Variants in SCNN1B observed in about 807,000 individuals in gnomAD.
SCNN1B encodes the protein epithelial sodium channel subunit beta.
A neutral mutation model predicts 65.3 loss-of-function variants in SCNN1B; 46 were observed. The ratio of observed to expected loss-of-function variants is 0.70; its 90% CI spans 0.56 to 0.90. SCNN1B has a LOEUF of 0.90. Ranked by LOEUF, SCNN1B falls within the 40% of genes least tolerant of loss-of-function variation. The pLI is 0.00. For synonymous variants in SCNN1B, 349 were observed against 330.6 expected (o/e 1.06, Z -0.60); for missense variants, 751 against 830.5 (o/e 0.90, Z 1.18).
intron 2 of SCNN1B, among the ~76,000 whole-genome samples, chr16:23,287,428 A>G (rs72774342): frequency 0.085 from 12,981 of 152,174 alleles, 732 homozygotes; most frequent in East Asian, 0.28. Context: ...TGCTAATATG[A>G]GGAATTACAT....
chr16:23,341,730 T>C lies in SCNN1B; in HGVS notation c.-8-6862T>C, dbSNP rs143113079. On this transcript the variant is annotated intron_variant, in intron 1 of 12. Coordinates refer to ENST00000343070, the MANE Select transcript of SCNN1B (RefSeq NM_000336.3). ...AATATATAAGCCTATGAGAAGAAGT[T>C]CAACATCATAGCTATCAGGAAAACG... is the stretch of plus-strand genomic sequence containing the variant. Among the ~76,000 whole-genome samples the C allele has an allele frequency of 8.8e-4, 134 of 152,298 alleles. No individual in the cohort carries two copies. The East Asian group carries it at 9.0e-3, about 10-fold the overall frequency.
At chr16:23,369,667 G>C (rs976808152) in intron 5 of SCNN1B, among the ~76,000 whole-genome samples, 1 of 151,962 alleles carries the variant, frequency 6.6e-6, no homozygotes, top group African/African-American at 2.4e-5. Flanking sequence ...TGGCCAAGAG[G>C]GCAGGTGAGC....
chr16:23,370,044 C>T (rs937143273), intron 5 of SCNN1B, among the ~76,000 whole-genome samples: 1 of 152,192 alleles, frequency 6.6e-6, no homozygotes, highest in Admixed American at 6.5e-5. Context: ...GATTCTCCTG[C>T]CTCAGCTTCC....
chr16:23,300,998 G>A (rs916020721), upstream of SCNN1B, among the ~76,000 whole-genome samples: 3 of 147,052 alleles, frequency 2.0e-5, no homozygotes, highest in African/African-American at 7.5e-5. Flanking sequence ...AAACACGTGT[G>A]TGTGTGTGTG....
Position 23,380,073 on chromosome 16 carries a change from C to A in SCNN1B, c.1467-21C>A. 1 of 1,601,644 alleles carries A rather than the reference C, an allele frequency of 6.2e-7. No individual in the cohort carries two copies. Among genetic ancestry groups the A allele is most frequent in the African/African-American group, 1.3e-5 (1 of 74,760 alleles). On this transcript the variant is annotated intron_variant, in intron 11 of 12. Transcript: ENST00000343070. The surrounding 1 kb of genome is among the most constrained non-coding windows in gnomAD (Gnocchi z 5.4). ...GGAAGGGGGATACATTAGTCCCGGC[C>A]CTTCTCGCTGCCTCCTGCAGGAAGG... is the stretch of plus-strand genomic sequence containing the variant.
intron 4 of SCNN1B, among the ~76,000 whole-genome samples, chr16:23,359,780 G>C (rs1385626124): frequency 6.6e-6 from 1 of 152,208 alleles, no homozygotes; most frequent in Non-Finnish European, 1.5e-5. Context: ...CTGTGCCTCA[G>C]TTTCCTCACC....
intron 1 of SCNN1B, among the ~76,000 whole-genome samples, chr16:23,337,634 TC>T (rs1961971670): frequency 6.6e-6 from 1 of 152,030 alleles, no homozygotes; most frequent in African/African-American, 2.4e-5. Context: ...CACCTCGGCC[TC>T]CCAAAGTGCT....
At chr16:23,377,574 C>CCCTTCCTTCATTCCTTCTCCCTT (rs149646061) in intron 10 of SCNN1B, among the ~76,000 whole-genome samples, 188 bp downstream of exon 10, 59,773 of 124,920 alleles carry the variant, frequency 0.48, 14,032 homozygotes, top group Admixed American at 0.52. Flanking sequence ...CCTCTCTTTT[C>CCCTTCCTTCATTCCTTCTCCCTT]CCTTCCTCCC....
chr16:23,379,684 C>A lies in SCNN1B; in HGVS notation c.1467-410C>A, dbSNP rs72654347. Among the ~76,000 whole-genome samples, 1,164 of 152,286 alleles carry A rather than the reference C, an allele frequency of 7.6e-3. 7 individuals carry two copies. Among genetic ancestry groups the A allele is most frequent in the African/African-American group, 0.027 (1,107 of 41,568 alleles). On this transcript the variant is annotated intron_variant, in intron 11 of 12. Transcript: ENST00000343070. ...GCGGAGTCACTCCGTATAGCCCAGG[C>A]CACCCTGATGGCACAAAGTGGGGAG...
chr16:23,332,282 G>C (rs973913005), intron 1 of SCNN1B, among the ~76,000 whole-genome samples: 6 of 151,326 alleles, frequency 4.0e-5, no homozygotes, highest in Non-Finnish European at 8.8e-5. Context: ...TGAAACCTCT[G>C]CCTCCCGAGT....
rs1186081860 is a variant in SCNN1B at position 23,367,961 on chromosome 16, T to C, written c.880+2T>C. ...CGGCCAACCCTGGAACTGAATTCGG[T>C]GAGTTTTGGTTTATCGTGGGGCCAG... On this transcript the variant is annotated splice_donor_variant, in intron 5 of 12. Transcript: ENST00000343070. LOFTEE classifies it high-confidence loss of function. 1 of 1,609,680 alleles carries C rather than the reference T, an allele frequency of 6.2e-7. No homozygotes were observed. Among genetic ancestry groups the C allele is most frequent in the Non-Finnish European group, 8.5e-7 (1 of 1,176,090 alleles).
At chr16:23,313,845 C>G (rs903905395) in intron 1 of SCNN1B, among the ~76,000 whole-genome samples, 1 of 152,238 alleles carries the variant, frequency 6.6e-6, no homozygotes, top group Non-Finnish European at 1.5e-5. Context: ...CTCTTGACCT[C>G]GTGATCTGCC....
rs1178463645 is a variant in SCNN1B at position 23,348,864 on chromosome 16, A to G, written c.265A>G (p.Thr89Ala). Residue 89 changes from threonine (T) to alanine (A), a missense_variant, in exon 2 of 13, where the codon ACC (threonine) becomes GCC (alanine). Coordinates refer to ENST00000343070, the MANE Select transcript of SCNN1B (RefSeq NM_000336.3). This position sits in a 1 kb window ranked among gnomAD's most constrained non-coding sequence, Gnocchi z 4.5. ...VSVSLSVGFKTMDFPAVTICN... is the reference protein window; with the variant it reads ...VSVSLSVGFKAMDFPAVTICN... The stretch of plus-strand genomic sequence containing the variant: ...CGTCTCCCTCTCCGTAGGCTTCAAG[A>G]CCATGGACTTCCCTGCCGTCACCAT... 1.2e-6 allele frequency: 2 copies of G among 1,613,884 alleles called. No homozygotes were observed. Among genetic ancestry groups the G allele is most frequent in the South Asian group, 2.2e-5 (2 of 91,062 alleles).
chr16:23,364,898 G>A (rs1443535267), intron 4 of SCNN1B, among the ~76,000 whole-genome samples: 1 of 152,158 alleles, frequency 6.6e-6, no homozygotes, highest in Non-Finnish European at 1.5e-5. Context: ...GGCTGAGGTG[G>A]GTGGATTGCC....
chr16:23,378,272 A>G (rs1962955523), intron 10 of SCNN1B, among the ~76,000 whole-genome samples: 1 of 152,146 alleles, frequency 6.6e-6, no homozygotes, highest in South Asian at 2.1e-4. Flanking sequence ...AGCCTCCCAA[A>G]ATGCTGGGAT....
At chr16:23,306,069 T>C (rs1961212704) in intron 1 of SCNN1B, among the ~76,000 whole-genome samples, 1 of 151,966 alleles carries the variant, frequency 6.6e-6, no homozygotes, top group African/African-American at 2.4e-5. Flanking sequence ...GGGGTGAAGC[T>C]CCATCTCTAG....
chr16:23,280,784 C>T (rs1450167621), intron 1 of SCNN1B, among the ~76,000 whole-genome samples: 2 of 152,224 alleles, frequency 1.3e-5, no homozygotes, highest in Non-Finnish European at 2.9e-5. Flanking sequence ...GCCCCTAGCA[C>T]AGGATCGGCA....
intron 2 of SCNN1B, among the ~76,000 whole-genome samples, chr16:23,294,456 T>A (rs1960967542): frequency 6.8e-6 from 1 of 147,078 alleles, no homozygotes; most frequent in Non-Finnish European, 1.5e-5. Flanking sequence ...CCCCCAAGCT[T>A]TGTTCCCATC....
chr16:23,332,787 G>A (rs1315145941), intron 1 of SCNN1B, among the ~76,000 whole-genome samples: 3 of 152,068 alleles, frequency 2.0e-5, no homozygotes, highest in Non-Finnish European at 4.4e-5. Context: ...AAGTGGCCTT[G>A]TTGGCCAGGC....
Sources: gnomAD v4.1 joint callset for allele counts (sites outside exome capture counted in the v4.1 genomes callset) on GRCh38, gnomAD v4.1.1 for gene constraint, Gnocchi (gnomAD v3.1) non-coding constraint, MANE v1.5 for transcripts, NCBI Gene and HGNC (gene_info 2026-07-23, HGNC 2026-07-21) for gene names.